Variants in GRIK2 observed in about 807,000 individuals in gnomAD.
GRIK2 encodes the protein glutamate receptor ionotropic, kainate 2.
In GRIK2, 32 loss-of-function variants were observed where a neutral mutation model predicts 100.3. That is an observed-to-expected ratio of 0.32 (90% CI 0.24 to 0.43). The LOEUF (loss-of-function observed/expected upper bound fraction) is 0.43, where lower values mean the gene tolerates loss of function less well. Among genes scored for constraint, GRIK2 ranks in the 20% least tolerant of loss-of-function variants. The pLI is 1.00. For missense variants in GRIK2, 843 were observed against 1,114.9 expected, an observed-to-expected ratio of 0.76 and a Z score of 3.47; for synonymous variants, 417 against 389.4, an observed-to-expected ratio of 1.07 and a Z score of -0.83.
intron 7 of GRIK2, among the ~76,000 whole-genome samples, chr6:101,691,322 CAG>C (rs1772079182): frequency 6.9e-6 from 1 of 145,134 alleles, no homozygotes; most frequent in Non-Finnish European, 1.5e-5. Flanking sequence ...TTTTTTGAGA[CAG>C]AGTCTCGCTC....
At chr6:101,754,991 C>T (rs1777036477) in intron 7 of GRIK2, among the ~76,000 whole-genome samples, 1 of 152,090 alleles carries the variant, frequency 6.6e-6, no homozygotes, top group Non-Finnish European at 1.5e-5. Flanking sequence ...TGTAGGCACT[C>T]TTGAAGCCTT....
At chr6:101,903,867 G>A (rs1289027971) in intron 12 of GRIK2, among the ~76,000 whole-genome samples, 1 of 151,402 alleles carries the variant, frequency 6.6e-6, no homozygotes, top group Non-Finnish European at 1.5e-5. Flanking sequence ...TTTTAGGAGA[G>A]CTTTTACAAA....
chr6:101,674,416 A>G (rs1431298534), intron 4 of GRIK2, among the ~76,000 whole-genome samples: 19 of 152,350 alleles, frequency 1.2e-4, no homozygotes. Flanking sequence ...GTAGTTAAAG[A>G]GTTACCTTGT....
At chr6:101,789,854 C>A (rs144360549) in intron 7 of GRIK2, among the ~76,000 whole-genome samples, 1 of 152,140 alleles carries the variant, frequency 6.6e-6, no homozygotes, top group Non-Finnish European at 1.5e-5. Context: ...AATGTTCTTC[C>A]ATTTATTTGT....
At chr6:101,746,201 C>T (rs1327795513) in intron 7 of GRIK2, among the ~76,000 whole-genome samples, 1 of 152,172 alleles carries the variant, frequency 6.6e-6, no homozygotes, top group East Asian at 1.9e-4. Context: ...ACTAATCTCT[C>T]TAGCATTTGG....
intron 2 of GRIK2, among the ~76,000 whole-genome samples, chr6:101,496,019 C>T (rs910417642): frequency 3.9e-5 from 6 of 152,128 alleles, no homozygotes; most frequent in Non-Finnish European, 7.4e-5. Flanking sequence ...TATGTTGGCT[C>T]ACTACAACCT....
At chr6:101,992,738 T>C (rs1794441736) in intron 14 of GRIK2, among the ~76,000 whole-genome samples, 2 of 151,604 alleles carry the variant, frequency 1.3e-5, no homozygotes, top group Admixed American at 6.6e-5. Context: ...CACTTGAGTT[T>C]GAACTATCTA....
chr6:101,485,470 T>C (rs184453723), intron 2 of GRIK2, among the ~76,000 whole-genome samples: 2 of 152,330 alleles, frequency 1.3e-5, no homozygotes, highest in African/African-American at 4.8e-5. Context: ...TAAGAACTAC[T>C]AAATCACTAA....
chr6:101,728,703 C>T (rs1366455472), intron 7 of GRIK2, among the ~76,000 whole-genome samples: 4 of 152,048 alleles, frequency 2.6e-5, no homozygotes, highest in Admixed American at 1.3e-4. Context: ...TTAAGATATA[C>T]ATGTTGCCTT....
chr6:101,491,649 A>G (rs936722655), intron 2 of GRIK2, among the ~76,000 whole-genome samples: 5 of 152,084 alleles, frequency 3.3e-5, no homozygotes, highest in African/African-American at 1.2e-4. Context: ...AAGCATTTGA[A>G]TGTAAGTTGT....
chr6:101,622,734 T>G (rs964070204), intron 3 of GRIK2, among the ~76,000 whole-genome samples: 1 of 151,984 alleles, frequency 6.6e-6, no homozygotes, highest in Non-Finnish European at 1.5e-5. Context: ...ATTTTCATGT[T>G]ATAACTGTTG....
intron 15 of GRIK2, among the ~76,000 whole-genome samples, chr6:102,043,027 T>C (rs1324890527): frequency 2.0e-5 from 3 of 151,712 alleles, no homozygotes; most frequent in Non-Finnish European, 4.4e-5. Context: ...ACTCTATAAT[T>C]TGAATTCTTC....
chr6:101,451,102 C>T (rs187305367), intron 2 of GRIK2, among the ~76,000 whole-genome samples: 139 of 151,810 alleles, frequency 9.2e-4, no homozygotes, highest in African/African-American at 3.0e-3. Context: ...CATTCTTCAT[C>T]CTGTTTAGAT....
intron 2 of GRIK2, among the ~76,000 whole-genome samples, chr6:101,490,704 A>G (rs1187520601): frequency 6.8e-6 from 1 of 146,632 alleles, no homozygotes; most frequent in Non-Finnish European, 1.5e-5. Flanking sequence ...ACTTCTCCCT[A>G]TTGATATTTG....
intron 10 of GRIK2, among the ~76,000 whole-genome samples, chr6:101,832,168 T>A (rs1255111928): frequency 6.6e-6 from 1 of 152,092 alleles, no homozygotes; most frequent in Non-Finnish European, 1.5e-5. Context: ...CATTTCTTTT[T>A]ATATAATTTC....
At chr6:101,795,756 G>A (rs1434377346) in intron 7 of GRIK2, among the ~76,000 whole-genome samples, 3 of 152,204 alleles carry the variant, frequency 2.0e-5, no homozygotes, top group Non-Finnish European at 4.4e-5. Context: ...AGGTCCCTGG[G>A]TGGCATGCTT....
chr6:101,683,704 A>G (rs543118220), intron 6 of GRIK2, among the ~76,000 whole-genome samples: 397 of 152,350 alleles, frequency 2.6e-3, no homozygotes, highest in African/African-American at 9.2e-3. Context: ...TAAATGTTCT[A>G]TGTAATATTT....
chr6:101,688,970 A>G (rs1000192617), intron 7 of GRIK2, among the ~76,000 whole-genome samples: 8 of 152,112 alleles, frequency 5.3e-5, no homozygotes, highest in African/African-American at 1.9e-4. Context: ...TTAATTATAA[A>G]ATAGCATATG....
intron 14 of GRIK2, among the ~76,000 whole-genome samples, chr6:102,008,417 G>A (rs1171709742): frequency 6.6e-6 from 1 of 152,088 alleles, no homozygotes; most frequent in Non-Finnish European, 1.5e-5. Context: ...TGAAAGCAAT[G>A]TCGCCTGATG....
Sources: allele counts gnomAD v4.1 joint callset (sites outside exome capture counted in the v4.1 genomes callset), GRCh38; gene constraint gnomAD v4.1.1; transcripts MANE v1.5; gene names NCBI Gene and HGNC (gene_info 2026-07-23, HGNC 2026-07-21).